ARL5A: variants seen among roughly 807,000 people sequenced by gnomAD.
The protein encoded by ARL5A is ADP-ribosylation factor-like protein 5A.
Under a neutral mutation model 25.9 loss-of-function variants are expected in ARL5A, and 18 were observed. The observed-to-expected ratio is 0.69, with a 90% CI of 0.48 to 1.03. ARL5A has a LOEUF of 1.03. Ranked by LOEUF, ARL5A falls within the 50% of genes least tolerant of loss-of-function variation. The probability of loss-of-function intolerance (pLI) is 0.00; values close to 1 mark genes in which losing one functional copy is unlikely to be tolerated. For missense variants in ARL5A, 170 were observed against 211.9 expected, an observed-to-expected ratio of 0.80 and a Z score of 1.23; for synonymous variants, 61 against 67.5, an observed-to-expected ratio of 0.90 and a Z score of 0.47.
At chr2:151,803,769 C>T (rs970808552) in intron 5 of ARL5A, among the ~76,000 whole-genome samples, 2 of 152,156 alleles carry the variant, frequency 1.3e-5, no homozygotes, top group African/African-American at 4.8e-5. Context: ...TGAGTGCCCA[C>T]AGAAAGCAAC....
Position 151,806,805 on chromosome 2 carries a change from G to A in ARL5A, c.491+16C>T, listed in dbSNP as rs768600256. The A allele has an allele frequency of 6.3e-6, 10 of 1,588,094 alleles. No homozygotes were observed. Among genetic ancestry groups the A allele is most frequent in the Non-Finnish European group, 8.5e-6 (10 of 1,172,572 alleles). On this transcript the variant is annotated intron_variant, in intron 5 of 5. Transcript: ENST00000295087. ...AAAATAAATGTTCGATAACATTTAA[G>A]AGGAAGATGTCTTACCCCTCGCCAG...
In ARL5A at chr2:151,801,751, C is replaced by A. The variant is rs1291602976; in HGVS notation, c.*1525G>T. The A allele has an allele frequency of 6.6e-6, 1 of 151,968 alleles. No individual in the cohort carries two copies. The highest frequency in any genetic ancestry group is 1.5e-5 in the Non-Finnish European group (1 of 67,904). 9.4% of individuals were successfully genotyped at this position (151,968 alleles called of 1,614,324 possible). A position where few individuals can be genotyped will look rare whatever the true frequency, so the allele number is the denominator to read the frequency against. On this transcript the variant is annotated 3_prime_UTR_variant, in exon 6 of 6. Coordinates refer to ENST00000295087, the MANE Select transcript of ARL5A (RefSeq NM_012097.4). ...TACTATTATTCCTCACCAAAATCTT[C>A]ATGAAATTTAAAAGGCTGATATTGA...
chr2:151,821,865 T>C (rs962771476), intron 1 of ARL5A, among the ~76,000 whole-genome samples: 4 of 151,362 alleles, frequency 2.6e-5, no homozygotes, highest in African/African-American at 9.7e-5. Context: ...ATTTATTTAT[T>C]TAGAGATGGA....
In ARL5A at chr2:151,814,187, A is replaced by G. The variant is rs2099831200; in HGVS notation, c.237T>C (p.Thr79=). Residue 79 remains threonine, a synonymous_variant, in exon 3 of 6, where the codon ACT becomes ACC. Coordinates refer to ENST00000295087, the MANE Select transcript of ARL5A (RefSeq NM_012097.4). ...GQESLRSSWN[T]YYTNTEFVIV... The stretch of plus-strand genomic sequence containing the variant: ...ACATTACCTCTGTGTTAGTATAGTA[A>G]GTGTTCCAGGAAGAACGAAGAGATT... 6.3e-7 allele frequency: 1 copy of G among 1,599,280 alleles called. No homozygotes were observed. Among genetic ancestry groups the G allele is most frequent in the Non-Finnish European group, 8.5e-7 (1 of 1,175,868 alleles).
At chr2:151,811,540 A>T (rs2099830844) in intron 4 of ARL5A, among the ~76,000 whole-genome samples, 1 of 151,942 alleles carries the variant, frequency 6.6e-6, no homozygotes, top group Non-Finnish European at 1.5e-5. Flanking sequence ...AAAAAATTTT[A>T]ATTTTTAAAT....
chr2:151,824,686 C>CT (rs1465309354), intron 1 of ARL5A, among the ~76,000 whole-genome samples: 1 of 150,486 alleles, frequency 6.6e-6, no homozygotes, highest in Admixed American at 6.6e-5. Context: ...TCAGTCAGTT[C>CT]TTTTTATCTG....
intron 1 of ARL5A, 97 bp from the exon 2 acceptor site, chr2:151,815,296 A>T (rs1327181965): frequency 1.0e-6 from 1 of 987,460 alleles, no homozygotes; most frequent in Non-Finnish European, 1.5e-6. Context: ...CCTTCTATCT[A>T]TGGCATAATT....
In ARL5A at chr2:151,799,106, A is replaced by G. The variant is rs932927508; in HGVS notation, c.*4170T>C. On this transcript the variant is annotated 3_prime_UTR_variant, in exon 6 of 6. Coordinates refer to ENST00000295087, the MANE Select transcript of ARL5A (RefSeq NM_012097.4). ...TAATTTCTGGCTTTCTTTCCTTTTT[A>G]CTCTATTATCATGGTCTTAAAATAA... is the stretch of plus-strand genomic sequence containing the variant. The G allele has an allele frequency of 6.6e-6, 1 of 152,014 alleles. No homozygotes were observed. The allele number at this position is 152,014 out of a possible 1,614,324, so 9.4% of individuals were successfully genotyped here. A position where few individuals can be genotyped will look rare whatever the true frequency, so the allele number is the denominator to read the frequency against.
intron 1 of ARL5A, among the ~76,000 whole-genome samples, chr2:151,822,715 G>A (rs17198080): frequency 0.054 from 8,160 of 151,304 alleles, 317 homozygotes; most frequent in Non-Finnish European, 0.081. Context: ...TGCTTAGTAT[G>A]ATTTTTCTTT....
chr2:151,806,472 A>G (rs927273846), intron 5 of ARL5A, among the ~76,000 whole-genome samples: 1 of 152,212 alleles, frequency 6.6e-6, no homozygotes, highest in Non-Finnish European at 1.5e-5. Flanking sequence ...CACTCCAGAC[A>G]TAGGACATGC....
intron 3 of ARL5A, among the ~76,000 whole-genome samples, chr2:151,812,880 T>TA (rs991966505): frequency 2.0e-5 from 3 of 151,388 alleles, no homozygotes; most frequent in Admixed American, 6.6e-5. Flanking sequence ...AGAAATCAAT[T>TA]AAAAAAAAAT....
chr2:151,823,495 C>T (rs575513056), intron 1 of ARL5A, among the ~76,000 whole-genome samples: 1 of 151,330 alleles, frequency 6.6e-6, no homozygotes, highest in East Asian at 1.9e-4. Context: ...GCAGAAATCA[C>T]ACAATAATTT....
chr2:151,810,208 T>C (rs928497332), intron 4 of ARL5A, among the ~76,000 whole-genome samples: 1 of 152,256 alleles, frequency 6.6e-6, no homozygotes, highest in African/African-American at 2.4e-5. Context: ...TCTAAAGTTG[T>C]ATACTTCATT....
rs547481913 is a variant in ARL5A, at chr2:151,802,604, CTT to C, written c.*670_*671del. 4.2e-4 allele frequency: 60 copies of C among 141,636 alleles called. No homozygotes were observed. The highest frequency in any genetic ancestry group is 4.3e-4 in the Admixed American group (6 of 13,972). 8.8% of individuals were successfully genotyped at this position (141,636 alleles called of 1,614,324 possible). ...CACAATGTCATGCTTTTTCCTTTTC[CTT>C]TTTTTTTTTTTTAAACAAGCAGCTC... On this transcript the variant is annotated 3_prime_UTR_variant, in exon 6 of 6. Transcript: ENST00000295087.
intron 1 of ARL5A, among the ~76,000 whole-genome samples, chr2:151,820,255 A>G (rs1272807784): frequency 6.6e-6 from 1 of 152,210 alleles, no homozygotes; most frequent in Non-Finnish European, 1.5e-5. Context: ...TAGATAACCT[A>G]TCCTGTGGTG....
intron 4 of ARL5A, among the ~76,000 whole-genome samples, chr2:151,809,742 T>C (rs1018281066): frequency 6.6e-6 from 1 of 152,202 alleles, no homozygotes; most frequent in African/African-American, 2.4e-5. Context: ...GCAAGACACA[T>C]TTACTTAGCA....
At chr2:151,804,377 TTAAC>T (rs1290433030) in intron 5 of ARL5A, among the ~76,000 whole-genome samples, 5 of 152,220 alleles carry the variant, frequency 3.3e-5, no homozygotes, top group Non-Finnish European at 7.4e-5. Flanking sequence ...GTTATAAGTA[TTAAC>T]TATTATCTAT....
chr2:151,821,775 CTTTTTTTTTTTTTCTTTTT>C (rs1479832869), intron 1 of ARL5A, among the ~76,000 whole-genome samples: 1 of 113,542 alleles, frequency 8.8e-6, no homozygotes. Flanking sequence ...GCCCGGCTTT[CTTTTTTTTTTTTTCTTTTT>C]TTTTTTTTTT....
In ARL5A at chr2:151,802,634, C is replaced by T. The variant is rs1397913159; in HGVS notation, c.*642G>A. Reference sequence around the variant, plus strand: ...TTTTTTTTTTAAACAAGCAGCTCAGCGATTTGGGAGGTTGGTTAGTACAAT... The same window carrying T: ...TTTTTTTTTTAAACAAGCAGCTCAGTGATTTGGGAGGTTGGTTAGTACAAT... On this transcript the variant is annotated 3_prime_UTR_variant, in exon 6 of 6. Coordinates refer to ENST00000295087, the MANE Select transcript of ARL5A (RefSeq NM_012097.4). 1 of 150,106 alleles carries T rather than the reference C, an allele frequency of 6.7e-6. No homozygotes were observed. The highest frequency in any genetic ancestry group is 1.5e-5 in the Non-Finnish European group (1 of 67,606). 9.3% of individuals were successfully genotyped at this position (150,106 alleles called of 1,614,324 possible).
Sources: gnomAD v4.1 joint callset for allele counts (sites outside exome capture counted in the v4.1 genomes callset) on GRCh38, gnomAD v4.1.1 for gene constraint, MANE v1.5 for transcripts, NCBI Gene and HGNC (gene_info 2026-07-23, HGNC 2026-07-21) for gene names.